The following CLN8 variants were observed in gnomAD, a reference collection of about 807,000 sequenced individuals.
CLN8 encodes the protein CLN8 transmembrane ER and ERGIC protein, also known as protein CLN8.
Under a neutral mutation model 15.7 loss-of-function variants are expected in CLN8, and 14 were observed. The observed-to-expected ratio is 0.89, with a 90% CI of 0.59 to 1.39. The LOEUF (loss-of-function observed/expected upper bound fraction) is 1.39. CLN8 is among the 40% of genes most tolerant of loss of function. CLN8 has a pLI of 0.00. For missense variants in CLN8, 415 were observed against 364.0 expected (o/e 1.14, Z -1.14); for synonymous variants, 188 against 151.0 (o/e 1.25, Z -1.80).
intron 1 of CLN8, among the ~76,000 whole-genome samples, chr8:1,767,430 T>C (rs768666249): frequency 5.3e-5 from 8 of 152,268 alleles, no homozygotes; most frequent in Non-Finnish European, 8.8e-5. Context: ...GTAGATATGG[T>C]AATCTCTCCA....
intron 1 of CLN8, among the ~76,000 whole-genome samples, chr8:1,756,680 CTTT>C (rs751314711): frequency 3.2e-5 from 4 of 125,756 alleles, no homozygotes; most frequent in Non-Finnish European, 5.1e-5. Context: ...TTAAGCATTC[CTTT>C]TTTTTTTTTT....
At chr8:1,779,849 A>G (rs2129015072) in intron 2 of CLN8, 1 of 555,376 alleles carries the variant, frequency 1.8e-6, no homozygotes, top group South Asian at 7.8e-5. Context: ...CCCAGGGTCT[A>G]GGTATGGGAG....
At chr8:1,774,621 C>T (rs866054553) in intron 2 of CLN8, among the ~76,000 whole-genome samples, 1 of 152,156 alleles carries the variant, frequency 6.6e-6, no homozygotes, top group Non-Finnish European at 1.5e-5. Flanking sequence ...GTGGCTTATT[C>T]TTCGTATTTC....
chr8:1,772,861 A>G (rs926186833), intron 2 of CLN8: 14 of 398,304 alleles, frequency 3.5e-5, no homozygotes, highest in African/African-American at 2.9e-4. Context: ...GAAATTTGAG[A>G]TCCTGCAAAT....
At chr8:1,774,396 G>C (rs957265794) in intron 2 of CLN8, among the ~76,000 whole-genome samples, 3 of 152,116 alleles carry the variant, frequency 2.0e-5, no homozygotes, top group Non-Finnish European at 4.4e-5. Flanking sequence ...GTTCTATTTT[G>C]CTCTAGTTGA....
At chr8:1,774,774 C>G (rs2129013260) in intron 2 of CLN8, among the ~76,000 whole-genome samples, 1 of 152,350 alleles carries the variant, frequency 6.6e-6, no homozygotes, top group South Asian at 2.1e-4. Context: ...AGGCAGATCA[C>G]TTGAGCCCGG....
chr8:1,755,241 A>G (rs1800641099), upstream of CLN8, among the ~76,000 whole-genome samples: 1 of 152,182 alleles, frequency 6.6e-6, no homozygotes, highest in African/African-American at 2.4e-5. Context: ...AGACTAACAG[A>G]TGGGTTAGTC....
At chr8:1,767,504 A>T (rs1431094208) in intron 1 of CLN8, among the ~76,000 whole-genome samples, 2 of 150,648 alleles carry the variant, frequency 1.3e-5, no homozygotes, top group Non-Finnish European at 2.9e-5. Context: ...GATCACACAA[A>T]CTAGTTGAAC....
intron 1 of CLN8, among the ~76,000 whole-genome samples, chr8:1,768,993 A>G (rs1310895833): frequency 6.6e-6 from 1 of 152,244 alleles, no homozygotes; most frequent in East Asian, 1.9e-4. Context: ...ATCAGAGAGC[A>G]CGCCTGTGTG....
rs1371783124 is a variant in CLN8 at position 1,784,270 on chromosome 8, G to C, written c.*3703G>C. ...ATTGCACTCCAGCCTGGGTGACACA[G>C]TGAGACTCCATCTCAAAAAAAAAAA... On this transcript the variant is annotated 3_prime_UTR_variant, in exon 3 of 3. Transcript: ENST00000331222. The C allele has an allele frequency of 6.6e-6, 1 of 152,438 alleles. No homozygotes were observed. Among genetic ancestry groups the C allele is most frequent in the East Asian group, 1.9e-4 (1 of 5,178 alleles). 9.4% of individuals were successfully genotyped at this position (152,438 alleles called of 1,614,324 possible). A position where few individuals can be genotyped will look rare whatever the true frequency, so the allele number is the denominator to read the frequency against.
upstream of CLN8, among the ~76,000 whole-genome samples, chr8:1,761,773 T>C (rs764808790): frequency 3.3e-5 from 5 of 152,240 alleles, no homozygotes; most frequent in Admixed American, 6.5e-5. Context: ...CAAGATCAGA[T>C]GAGCCAGTTT....
chr8:1,769,923 A>C (rs1041127301), intron 1 of CLN8, among the ~76,000 whole-genome samples: 1 of 152,180 alleles, frequency 6.6e-6, no homozygotes. Flanking sequence ...TTCAGTAAGC[A>C]CTTGTCCTAT....
Position 1,771,085 on chromosome 8 carries a change from G to C in CLN8, c.31G>C (p.Glu11Gln). The stretch of plus-strand genomic sequence containing the variant: ...TCCTGCGAGCGATGGGGGCACATCA[G>C]AGAGCATTTTTGACCTGGACTATGC... MNPASDGGTS[E>Q]SIFDLDYASW... The change falls in exon 2 of 3, where the codon GAG becomes CAG. Residue 11 changes from glutamate (E) to glutamine (Q), a missense_variant. Physicochemically the swap from Glu to Gln is conservative, Grantham distance 29 (BLOSUM62 2). Coordinates refer to ENST00000331222, the MANE Select transcript of CLN8 (RefSeq NM_018941.4). 1 of 1,614,094 alleles carries C rather than the reference G, an allele frequency of 6.2e-7. No homozygotes were observed. Among genetic ancestry groups the C allele is most frequent in the Non-Finnish European group, 8.5e-7 (1 of 1,180,038 alleles).
intron 1 of CLN8, among the ~76,000 whole-genome samples, chr8:1,767,051 G>T (rs929545608): frequency 2.6e-5 from 4 of 152,220 alleles, no homozygotes; most frequent in Non-Finnish European, 4.4e-5. Flanking sequence ...AAGACTGGGC[G>T]CTTGGGCTGG....
intron 1 of CLN8, among the ~76,000 whole-genome samples, chr8:1,756,841 C>T (rs1450159403): frequency 6.6e-6 from 1 of 152,030 alleles, no homozygotes; most frequent in African/African-American, 2.4e-5. Flanking sequence ...CACCACCACA[C>T]CTGGTTAATT....
rs1038189289 is a variant in CLN8, at chr8:1,785,733, T to C, written c.*5166T>C. ...CACAGGCTGCGTGGGGTTAGACAGGTACCGGTCAGATTACGGTGGCACAGG... is the reference window on the plus strand; with the variant it reads ...CACAGGCTGCGTGGGGTTAGACAGGCACCGGTCAGATTACGGTGGCACAGG... On this transcript the variant is annotated 3_prime_UTR_variant, in exon 3 of 3. Transcript: ENST00000331222. 6.2e-6 allele frequency: 1 copy of C among 161,322 alleles called. No individual in the cohort carries two copies. The highest frequency in any genetic ancestry group is 1.4e-5 in the Non-Finnish European group (1 of 73,454). 10.0% of individuals were successfully genotyped at this position (161,322 alleles called of 1,614,324 possible).
Position 1,780,486 on chromosome 8 carries a change from G to A in CLN8, c.780G>A (p.Pro260=), listed in dbSNP as rs761984333. 5.1e-5 allele frequency: 82 copies of A among 1,614,094 alleles called. 2 individuals are homozygous for A. The South Asian group carries it at 5.2e-4, about 10-fold the overall frequency. The change falls in exon 3 of 3, where the codon CCG becomes CCA. Residue 260 remains proline (P), a synonymous_variant. Coordinates refer to ENST00000331222, the MANE Select transcript of CLN8 (RefSeq NM_018941.4). ...AGAAGACTCAGCAGCTTCTCAATCCGGTGGACTGGAACTTCGCACAGCCAG... is the reference window on the plus strand; with the variant it reads ...AGAAGACTCAGCAGCTTCTCAATCCAGTGGACTGGAACTTCGCACAGCCAG... The part of the protein sequence containing the change: ...THKKTQQLLN[P]VDWNFAQPEA...
At chr8:1,773,693 T>G (rs951872482) in intron 2 of CLN8, 1 of 152,414 alleles carries the variant, frequency 6.6e-6, no homozygotes, top group Non-Finnish European at 1.5e-5. Flanking sequence ...CCTGGGTTTC[T>G]CTGGAGTGAG....
rs148124161 is a variant in CLN8 at position 1,771,378 on chromosome 8, G to A, written c.324G>A (p.Thr108=). Residue 108 remains threonine (T), a synonymous_variant, in exon 2 of 3, where the codon ACG becomes ACA. Transcript: ENST00000331222. ...AGAACTGGTGCTGGTTTCACATCAC[G>A]ACAGCAACGGGATTCTTTTGCTTTG... is the stretch of plus-strand genomic sequence containing the variant. ...GQQNWCWFHI[T]TATGFFCFEN... is the part of the protein sequence containing the mutation. 10 of 1,614,180 alleles carry A rather than the reference G, an allele frequency of 6.2e-6. No individual in the cohort carries two copies. Among genetic ancestry groups the A allele is most frequent in the South Asian group, 2.2e-5 (2 of 91,084 alleles).
Sources: allele counts gnomAD v4.1 joint callset (sites outside exome capture counted in the v4.1 genomes callset), GRCh38; gene constraint gnomAD v4.1.1; transcripts MANE v1.5; gene names NCBI Gene and HGNC (gene_info 2026-07-23, HGNC 2026-07-21).